LRRK1: variants seen among roughly 807,000 people sequenced by gnomAD.
LRRK1 encodes leucine-rich repeat serine/threonine-protein kinase 1.
A neutral mutation model predicts 209.1 loss-of-function variants in LRRK1; 113 were observed. The observed-to-expected ratio is 0.54, with a 90% CI of 0.46 to 0.63. The LOEUF (loss-of-function observed/expected upper bound fraction) is 0.63. LRRK1 is among the 30% of genes least tolerant of loss of function. The pLI is 0.00. For synonymous variants in LRRK1, 1,144 were observed against 1,099.7 expected, an observed-to-expected ratio of 1.04 and a Z score of -0.80; for missense variants, 2,284 against 2,632.2, an observed-to-expected ratio of 0.87 and a Z score of 2.89.
intron 4 of LRRK1, 120 bp from the exon 5 acceptor site, chr15:100,988,514 C>A: frequency 2.2e-6 from 2 of 904,920 alleles, no homozygotes; most frequent in Non-Finnish European, 3.6e-6. Context: ...TTCCATGGTG[C>A]AAATGTACCA....
intron 4 of LRRK1, among the ~76,000 whole-genome samples, chr15:100,984,278 G>C (rs2031754657): frequency 6.6e-6 from 1 of 152,232 alleles, no homozygotes; most frequent in Admixed American, 6.5e-5. Context: ...TGTTAGTGTG[G>C]GACATTTGTG....
chr15:100,960,785 A>T (rs2029891173), intron 2 of LRRK1, among the ~76,000 whole-genome samples: 1 of 152,242 alleles, frequency 6.6e-6, no homozygotes, highest in Admixed American at 6.5e-5. Context: ...AATTTTTGGA[A>T]GAGGAACAAA....
At position 100,983,618 on chromosome 15, in the gene LRRK1, C is replaced by T; in HGVS notation, c.352C>T (p.Pro118Ser). Residue 118 changes from proline to serine, a missense_variant, in exon 4 of 34, where the codon CCC becomes TCC. Pro to Ser is a moderately conservative substitution (Grantham distance 74, BLOSUM62 -1). Transcript: ENST00000388948. ...SKRLVELPTE[P>S]TDDNPAVVAA... The stretch of plus-strand genomic sequence containing the variant: ...GAGACTGGTGGAGCTGCCCACCGAG[C>T]CCACGGATGACAACCCAGCCGTGGT... 1 of 1,610,690 alleles carries T rather than the reference C, an allele frequency of 6.2e-7. No individual in the cohort carries two copies.
At chr15:100,943,781 G>A (rs1466745367) in intron 2 of LRRK1, among the ~76,000 whole-genome samples, 3 of 151,336 alleles carry the variant, frequency 2.0e-5, no homozygotes, top group Admixed American at 6.6e-5. Context: ...GGGTTCAAGC[G>A]ATTCTCCTGC....
intron 4 of LRRK1, among the ~76,000 whole-genome samples, chr15:100,984,953 G>A (rs573471179): frequency 9.4e-4 from 143 of 152,254 alleles, no homozygotes; most frequent in Non-Finnish European, 1.7e-3. Context: ...ACCTAGAAGG[G>A]CCCACGTTAC....
In LRRK1 at chr15:101,028,941, C is replaced by T. The variant is rs756544575; in HGVS notation, c.2687-15C>T. Reference sequence around the variant, plus strand: ...TTGTCTAACTGCTGCTTCCTCCTCTCCTTGCCTGGGGCAGCCATCAGCTTC... The same window carrying T: ...TTGTCTAACTGCTGCTTCCTCCTCTTCTTGCCTGGGGCAGCCATCAGCTTC... On this transcript the variant is annotated splice_polypyrimidine_tract_variant and intron_variant, in intron 19 of 33. Coordinates refer to ENST00000388948, the MANE Select transcript of LRRK1 (RefSeq NM_024652.6). 7 of 1,612,740 alleles carry T rather than the reference C, an allele frequency of 4.3e-6. No individual in the cohort carries two copies. Among genetic ancestry groups the T allele is most frequent in the South Asian group, 3.3e-5 (3 of 90,992 alleles).
intron 2 of LRRK1, among the ~76,000 whole-genome samples, chr15:100,968,791 C>T: frequency 7.1e-6 from 1 of 140,710 alleles, no homozygotes; most frequent in East Asian, 2.2e-4. Context: ...CCCTTTCCTT[C>T]CCCTTCCCCT....
At chr15:101,064,093 C>G (rs2036374680) in intron 31 of LRRK1, among the ~76,000 whole-genome samples, 1 of 152,268 alleles carries the variant, frequency 6.6e-6, no homozygotes, top group African/African-American at 2.4e-5. Context: ...CACCCACGTT[C>G]ACACCCAGCC....
At chr15:100,996,183 T>C (rs2141677216) in intron 6 of LRRK1, among the ~76,000 whole-genome samples, 1 of 152,368 alleles carries the variant, frequency 6.6e-6, no homozygotes. Flanking sequence ...ACCTCACATT[T>C]GGTGCAGAGG....
intron 2 of LRRK1, among the ~76,000 whole-genome samples, chr15:100,973,478 C>A (rs2031071576): frequency 6.6e-6 from 1 of 152,154 alleles, no homozygotes; most frequent in South Asian, 2.1e-4. Flanking sequence ...AAAGCCCCTG[C>A]GCCTCCGCTG....
intron 6 of LRRK1, among the ~76,000 whole-genome samples, chr15:100,998,891 G>A (rs1366786189): frequency 6.6e-6 from 1 of 152,160 alleles, no homozygotes; most frequent in Non-Finnish European, 1.5e-5. Flanking sequence ...TGAACAGGTG[G>A]GTGGGTGGAT....
chr15:101,050,017 A>G (rs2141129168), intron 23 of LRRK1, among the ~76,000 whole-genome samples: 1 of 152,248 alleles, frequency 6.6e-6, no homozygotes, highest in South Asian at 2.1e-4. Flanking sequence ...TGTGCAGGGA[A>G]GCGGCCTGCC....
intron 2 of LRRK1, among the ~76,000 whole-genome samples, chr15:100,947,111 C>T (rs2042554669): frequency 1.3e-5 from 2 of 152,040 alleles, no homozygotes; most frequent in Non-Finnish European, 2.9e-5. Flanking sequence ...GCCCGCACCA[C>T]CATAACTGGC....
intron 2 of LRRK1, among the ~76,000 whole-genome samples, chr15:100,951,137 T>C (rs2042643707): frequency 6.6e-6 from 1 of 152,202 alleles, no homozygotes; most frequent in South Asian, 2.1e-4. Context: ...ACAGACTAAA[T>C]AGACATTTAT....
At chr15:100,922,899 C>T (rs1174588503) in intron 1 of LRRK1, among the ~76,000 whole-genome samples, 1 of 152,208 alleles carries the variant, frequency 6.6e-6, no homozygotes, top group African/African-American at 2.4e-5. Context: ...CCACCTTTCC[C>T]TGCCTTGACG....
chr15:100,963,260 C>T (rs563080222), intron 2 of LRRK1, among the ~76,000 whole-genome samples: 2 of 152,246 alleles, frequency 1.3e-5, no homozygotes, highest in African/African-American at 4.8e-5. Flanking sequence ...TCTTCATTGT[C>T]ATAGGTTCTG....
chr15:100,982,150 T>G (rs1336550076), intron 3 of LRRK1, among the ~76,000 whole-genome samples: 1 of 150,466 alleles, frequency 6.6e-6, no homozygotes, highest in African/African-American at 2.5e-5. Context: ...GCCATCCCTG[T>G]CATCCTGAGT....
chr15:100,964,872 A>AT (rs1052217833), intron 2 of LRRK1, among the ~76,000 whole-genome samples: 5 of 152,024 alleles, frequency 3.3e-5, no homozygotes, highest in African/African-American at 1.2e-4. Flanking sequence ...TTTTCATTTC[A>AT]TTTTCTCTAT....
chr15:100,988,823 C>G lies in LRRK1; in HGVS notation c.613+10C>G, dbSNP rs1381645495. On this transcript the variant is annotated intron_variant, in intron 5 of 33. Transcript: ENST00000388948. ...GCGGCCATCAAGTCAGGTGGGTTTC[C>G]CCACTACCCTGAGTCAACCCTGACC... The G allele has an allele frequency of 7.6e-6, 12 of 1,585,880 alleles. No homozygotes were observed. In the South Asian group the frequency reaches 1.1e-4, roughly 15 times the overall value.
Sources: allele counts gnomAD v4.1 joint callset (sites outside exome capture counted in the v4.1 genomes callset), GRCh38; gene constraint gnomAD v4.1.1; transcripts MANE v1.5; gene names NCBI Gene and HGNC (gene_info 2026-07-23, HGNC 2026-07-21).